The following AUTS2 variants were observed in gnomAD, a reference collection of about 807,000 sequenced individuals.
The protein encoded by AUTS2 is activator of transcription and developmental regulator AUTS2, also known as autism susceptibility gene 2 protein.
AUTS2 carries 17 observed loss-of-function variants against 112.4 expected under a neutral mutation model. The ratio of observed to expected loss-of-function variants is 0.15; its 90% CI spans 0.10 to 0.23. The LOEUF (loss-of-function observed/expected upper bound fraction) is 0.23. Among genes scored for constraint, AUTS2 ranks in the 10% least tolerant of loss-of-function variants. The pLI is 1.00. For synonymous variants in AUTS2, 751 were observed against 702.7 expected, an observed-to-expected ratio of 1.07 and a Z score of -1.09; for missense variants, 1,510 against 1,701.6, an observed-to-expected ratio of 0.89 and a Z score of 1.98.
intron 2 of AUTS2, among the ~76,000 whole-genome samples, chr7:70,103,264 T>C (rs1804595069): frequency 6.6e-6 from 1 of 152,200 alleles, no homozygotes; most frequent in Non-Finnish European, 1.5e-5. Flanking sequence ...AAGGCCTGAA[T>C]GTGAATTCTA....
At chr7:70,227,184 T>C (rs574982286) in intron 4 of AUTS2, among the ~76,000 whole-genome samples, 1 of 152,258 alleles carries the variant, frequency 6.6e-6, no homozygotes, top group African/African-American at 2.4e-5. Context: ...ACAATGATTC[T>C]TTTAACTTTT....
chr7:69,914,102 T>G (rs1429756147), intron 2 of AUTS2, among the ~76,000 whole-genome samples: 1 of 152,128 alleles, frequency 6.6e-6, no homozygotes, highest in Non-Finnish European at 1.5e-5. Context: ...TAATTATAGA[T>G]TTTTCTTTCT....
chr7:70,425,697 T>C (rs1362855934), intron 4 of AUTS2, among the ~76,000 whole-genome samples: 1 of 152,212 alleles, frequency 6.6e-6, no homozygotes, highest in Non-Finnish European at 1.5e-5. Flanking sequence ...GCAAGACTTG[T>C]ATATGTTAAA....
At chr7:69,926,445 G>GTCTATCTATCTA (rs10677736) in intron 2 of AUTS2, among the ~76,000 whole-genome samples, 2,346 of 123,172 alleles carry the variant, frequency 0.019, 17 homozygotes, top group African/African-American at 0.028. Context: ...CTGTCTGTCT[G>GTCTATCTATCTA]TCTATCTATC....
At chr7:70,101,680 G>A (rs751987309) in intron 2 of AUTS2, among the ~76,000 whole-genome samples, 18 of 152,112 alleles carry the variant, frequency 1.2e-4, no homozygotes, top group Non-Finnish European at 2.1e-4. Flanking sequence ...GGGTGACAGA[G>A]TGAGACCTAT....
At chr7:70,027,318 C>T (rs568407862) in intron 2 of AUTS2, among the ~76,000 whole-genome samples, 19 of 152,332 alleles carry the variant, frequency 1.2e-4, no homozygotes, top group Admixed American at 2.0e-4. Context: ...TTTCCTCATA[C>T]TGGTCTAACT....
intron 2 of AUTS2, among the ~76,000 whole-genome samples, chr7:69,939,580 A>G (rs1159345161): frequency 1.3e-5 from 2 of 152,198 alleles, no homozygotes; most frequent in Non-Finnish European, 2.9e-5. Context: ...TGCTGAAGCT[A>G]AGGGAGGATT....
chr7:69,959,652 C>A (rs1046529975), intron 2 of AUTS2, among the ~76,000 whole-genome samples: 1 of 152,090 alleles, frequency 6.6e-6, no homozygotes, highest in African/African-American at 2.4e-5. Context: ...CTTGGAAAAG[C>A]TTTACGTCTC....
At chr7:70,770,868 T>C (rs1203729823) in intron 10 of AUTS2, among the ~76,000 whole-genome samples, 1 of 152,240 alleles carries the variant, frequency 6.6e-6, no homozygotes, top group Admixed American at 6.5e-5. Context: ...ACTCGGGTTA[T>C]TTCTGTGCAA....
chr7:70,418,833 T>G (rs1795096663), intron 4 of AUTS2, among the ~76,000 whole-genome samples: 1 of 151,756 alleles, frequency 6.6e-6, no homozygotes, highest in Non-Finnish European at 1.5e-5. Flanking sequence ...ATAAACAGTG[T>G]TTGGTGCATT....
chr7:69,898,770 A>T (rs1430881395), intron 1 of AUTS2, among the ~76,000 whole-genome samples: 1 of 152,230 alleles, frequency 6.6e-6, no homozygotes, highest in Non-Finnish European at 1.5e-5. Context: ...ATGTAAAAAA[A>T]TATAATGCAT....
intron 1 of AUTS2, among the ~76,000 whole-genome samples, chr7:69,625,638 C>A (rs1371614567): frequency 6.6e-6 from 1 of 152,096 alleles, no homozygotes; most frequent in Non-Finnish European, 1.5e-5. Flanking sequence ...GCTGGAGGAT[C>A]CCTTGAGTCC....
At chr7:70,283,648 C>T (rs1234549708) in intron 4 of AUTS2, among the ~76,000 whole-genome samples, 1 of 151,972 alleles carries the variant, frequency 6.6e-6, no homozygotes, top group Non-Finnish European at 1.5e-5. Context: ...AATCATTTTA[C>T]TGAGTTAGGT....
chr7:70,060,194 A>G (rs957869912), intron 2 of AUTS2, among the ~76,000 whole-genome samples: 5 of 152,212 alleles, frequency 3.3e-5, no homozygotes, highest in African/African-American at 1.2e-4. Flanking sequence ...AAGTTTTTGT[A>G]CACTCTTTCT....
chr7:69,846,109 T>TC lies in AUTS2; in HGVS notation c.310-53177_310-53176insC, dbSNP rs547559892. Reference sequence around the variant, plus strand: ...CAAGTTTATTTGGGATTTTTTTTTTTTGGTCTGTGCCTTTTGTTAATATAT... The same window carrying TC: ...CAAGTTTATTTGGGATTTTTTTTTTTCTGGTCTGTGCCTTTTGTTAATATAT... On this transcript the variant is annotated intron_variant, in intron 1 of 18. Transcript: ENST00000342771. Among the ~76,000 whole-genome samples the TC allele has an allele frequency of 2.5e-4, 38 of 152,168 alleles. 1 individual carries two copies. The East Asian group carries it at 7.4e-3, about 29-fold the overall frequency.
intron 1 of AUTS2, among the ~76,000 whole-genome samples, chr7:69,878,006 G>T (rs1234460068): frequency 1.3e-5 from 2 of 152,126 alleles, no homozygotes; most frequent in Non-Finnish European, 2.9e-5. Context: ...AGGTAGAAGT[G>T]GCCATGCCAT....
chr7:70,662,044 G>T (rs118015584), intron 5 of AUTS2, among the ~76,000 whole-genome samples: 3,134 of 152,256 alleles, frequency 0.021, 52 homozygotes, highest in South Asian at 0.059. Flanking sequence ...AGCAGACAAT[G>T]GGGGGGCAGA....
chr7:70,288,500 A>G lies in AUTS2; in HGVS notation c.661-147252A>G, dbSNP rs183592122. 9.9e-5 allele frequency among the ~76,000 whole-genome samples: 15 copies of G among 152,282 alleles called. No homozygotes were observed. In the East Asian group the frequency reaches 2.5e-3, roughly 25 times the overall value. Reference sequence around the variant, plus strand: ...ATTTCAGACTTCATTTACCCGCTCTATGCATTTTTTTCGTCTTCCTGGGTT... The same window carrying G: ...ATTTCAGACTTCATTTACCCGCTCTGTGCATTTTTTTCGTCTTCCTGGGTT... On this transcript the variant is annotated intron_variant, in intron 4 of 18. Transcript: ENST00000342771.
At chr7:69,978,498 T>G (rs1798149249) in intron 2 of AUTS2, among the ~76,000 whole-genome samples, 1 of 152,120 alleles carries the variant, frequency 6.6e-6, no homozygotes, top group Admixed American at 6.5e-5. Flanking sequence ...CAGTACACTT[T>G]TTGTTTGATA....
Sources: allele counts gnomAD v4.1 joint callset (sites outside exome capture counted in the v4.1 genomes callset), GRCh38; gene constraint gnomAD v4.1.1; transcripts MANE v1.5; gene names NCBI Gene and HGNC (gene_info 2026-07-23, HGNC 2026-07-21).